DHRSX: variants seen among roughly 807,000 people sequenced by gnomAD.
DHRSX encodes the protein dehydrogenase/reductase X-linked.
DHRSX carries 31 observed loss-of-function variants against 34.0 expected under a neutral mutation model. The ratio of observed to expected loss-of-function variants is 0.91; its 90% CI spans 0.69 to 1.23. The LOEUF (loss-of-function observed/expected upper bound fraction) is 1.23. Among genes scored for constraint, DHRSX ranks in the 50% most tolerant of loss-of-function variants. DHRSX has a pLI of 0.00. For missense variants in DHRSX, 414 were observed against 428.1 expected (o/e 0.97, Z 0.29); for synonymous variants, 201 against 183.8 (o/e 1.09, Z -0.76).
At chrX:2,475,862 C>T (rs368248485) in intron 1 of DHRSX, among the ~76,000 whole-genome samples, 5 of 152,296 alleles carry the variant, frequency 3.3e-5, no homozygotes, top group African/African-American at 1.2e-4. Flanking sequence ...AGCCACAAAC[C>T]CAGCTAGGAG....
At chrX:2,346,374 C>T (rs936854264) in intron 3 of DHRSX, among the ~76,000 whole-genome samples, 1 of 152,042 alleles carries the variant, frequency 6.6e-6, no homozygotes, top group Non-Finnish European at 1.5e-5. Context: ...TGGTTTTTCT[C>T]GTCTCTGTTT....
chrX:2,233,331 C>G (rs1189303353), intron 6 of DHRSX, among the ~76,000 whole-genome samples: 2 of 150,364 alleles, frequency 1.3e-5, no homozygotes, highest in African/African-American at 4.9e-5. Context: ...GTAAATCATG[C>G]TCCCTGTGGC....
chrX:2,227,371 G>A (rs970461969), intron 6 of DHRSX, among the ~76,000 whole-genome samples: 1 of 149,836 alleles, frequency 6.7e-6, no homozygotes, highest in African/African-American at 2.5e-5. Flanking sequence ...GAAGAAAGGA[G>A]GAAATAGAGA....
chrX:2,431,237 A>G (rs1343113684), intron 1 of DHRSX, among the ~76,000 whole-genome samples: 3 of 150,632 alleles, frequency 2.0e-5, no homozygotes, highest in Non-Finnish European at 2.9e-5. Flanking sequence ...AGGCAGGAGA[A>G]TGGCGTGAAC....
Position 2,462,326 on chromosome X carries a change from GT to G in DHRSX, c.110-37023del, listed in dbSNP as rs200131143. Among the ~76,000 whole-genome samples the G allele has an allele frequency of 1.2e-4, 18 of 151,232 alleles. No homozygotes were observed. In the South Asian group the frequency reaches 3.7e-3, roughly 31 times the overall value. On this transcript the variant is annotated intron_variant, in intron 1 of 6. Transcript: ENST00000334651. ...AAAAACAGTGTTGACGTTCATAAAT[GT>G]TTTTTTCTGAATTTCTCAACGGTTA...
In DHRSX at chrX:2,410,592, G is replaced by A. The variant is rs924135686; in HGVS notation, c.218-1779C>T. 1.8e-4 allele frequency among the ~76,000 whole-genome samples: 28 copies of A among 152,216 alleles called. 1 individual carries two copies. The highest frequency in any genetic ancestry group is 6.3e-4 in the African/African-American group (26 of 41,454). On this transcript the variant is annotated intron_variant, in intron 2 of 6. Transcript: ENST00000334651. ...AATTTACACACTCTAACACAAGGAA[G>A]AGACCATGCTGTTTGATATCCTATC...
intron 5 of DHRSX, among the ~76,000 whole-genome samples, chrX:2,243,785 C>CTTTTTTTT: frequency 1.4e-5 from 1 of 71,514 alleles, no homozygotes; most frequent in East Asian, 9.0e-4. Flanking sequence ...CACTATGCTC[C>CTTTTTTTT]CTGTTTTTTT....
At position 2,490,762 on chromosome X, in the gene DHRSX, G is replaced by A. The variant is rs200870909; in HGVS notation, c.109+10055C>T. On this transcript the variant is annotated intron_variant, in intron 1 of 6. Coordinates refer to ENST00000334651, the MANE Select transcript of DHRSX (RefSeq NM_145177.3). ...CTGCCTGCTGGACGGCTGCTCATGC[G>A]TGGGGACCTGCTGAGAAGGGCCAAG... 7.8e-4 allele frequency: 1,234 copies of A among 1,584,764 alleles called. 5 individuals carry two copies. Among genetic ancestry groups the A allele is most frequent in the Middle Eastern group, 5.4e-3 (28 of 5,148 alleles).
intron 3 of DHRSX, among the ~76,000 whole-genome samples, chrX:2,378,552 T>C (rs1180486630): frequency 1.3e-5 from 2 of 152,200 alleles, no homozygotes; most frequent in Non-Finnish European, 2.9e-5. Context: ...ACGATTTTCT[T>C]AAGGAAAATC....
chrX:2,282,706 GGGAA>G (rs1379417315), intron 4 of DHRSX, among the ~76,000 whole-genome samples: 3 of 145,880 alleles, frequency 2.1e-5, no homozygotes, highest in Admixed American at 1.4e-4. Context: ...GAGGGAGAGA[GGGAA>G]GGAAGGAGAG....
intron 3 of DHRSX, among the ~76,000 whole-genome samples, chrX:2,297,270 G>A (rs2041945723): frequency 1.3e-5 from 2 of 152,156 alleles, no homozygotes; most frequent in Non-Finnish European, 2.9e-5. Context: ...CCACAGGTGC[G>A]CAGCACCACG....
At chrX:2,443,616 C>G (rs182289988) in intron 1 of DHRSX, among the ~76,000 whole-genome samples, 1 of 152,218 alleles carries the variant, frequency 6.6e-6, no homozygotes, top group African/African-American at 2.4e-5. Context: ...GTATCACATG[C>G]TGGGCACCGT....
At chrX:2,370,489 G>A (rs1052450295) in intron 3 of DHRSX, among the ~76,000 whole-genome samples, 2 of 151,348 alleles carry the variant, frequency 1.3e-5, no homozygotes, top group Non-Finnish European at 2.9e-5. Context: ...TGTATTTTAC[G>A]GAGACACAAT....
intron 1 of DHRSX, among the ~76,000 whole-genome samples, chrX:2,431,958 C>T (rs769821543): frequency 3.3e-5 from 5 of 152,108 alleles, no homozygotes; most frequent in African/African-American, 4.8e-5. Context: ...TTTGGGAGGC[C>T]GAGACGGGTG....
chrX:2,277,510 T>TAA (rs1261630277), intron 4 of DHRSX, among the ~76,000 whole-genome samples: 1 of 17,444 alleles, frequency 5.7e-5, no homozygotes, highest in Non-Finnish European at 1.4e-4. Context: ...GAGGAGGAAA[T>TAA]GGGGGAAAGA....
chrX:2,364,247 G>A (rs1265380883), intron 3 of DHRSX, among the ~76,000 whole-genome samples: 2 of 152,110 alleles, frequency 1.3e-5, no homozygotes, highest in Non-Finnish European at 2.9e-5. Context: ...CCCTCCCCCA[G>A]GAACATATAG....
At chrX:2,398,941 C>T (rs2043448644) in intron 3 of DHRSX, among the ~76,000 whole-genome samples, 1 of 152,238 alleles carries the variant, frequency 6.6e-6, no homozygotes, top group South Asian at 2.1e-4. Context: ...CAAGCTCCCC[C>T]TCCCGGGTTC....
chrX:2,299,064 GCT>G (rs2041980988), intron 3 of DHRSX, among the ~76,000 whole-genome samples: 1 of 150,114 alleles, frequency 6.7e-6, no homozygotes. Flanking sequence ...GACAAATCCA[GCT>G]GCCTTTTAAC....
In DHRSX at chrX:2,248,432, C is replaced by CA. The variant is rs574631590; in HGVS notation, c.597-5203dup. On this transcript the variant is annotated intron_variant, in intron 5 of 6. Transcript: ENST00000334651. Reference sequence around the variant, plus strand: ...TGGGCGACAGAGCGAGACTCTGTCTCAAAAAAAAAAAGAAAAAAGAAAATA... The same window carrying CA: ...TGGGCGACAGAGCGAGACTCTGTCTCAAAAAAAAAAAAGAAAAAAGAAAATA... 1.2e-3 allele frequency among the ~76,000 whole-genome samples: 132 copies of CA among 111,076 alleles called. 2 individuals carry two copies. The highest frequency in any genetic ancestry group is 2.3e-3 in the African/African-American group (70 of 31,032). 72.9% of individuals were successfully genotyped at this position (111,076 alleles called of 152,430 possible). A position where few individuals can be genotyped will look rare whatever the true frequency, so the allele number is the denominator to read the frequency against.
Sources: gnomAD v4.1 joint callset for allele counts (sites outside exome capture counted in the v4.1 genomes callset) on GRCh38, gnomAD v4.1.1 for gene constraint, MANE v1.5 for transcripts, NCBI Gene and HGNC (gene_info 2026-07-23, HGNC 2026-07-21) for gene names.